RIMS1: variants seen among roughly 807,000 people sequenced by gnomAD.
RIMS1 encodes regulating synaptic membrane exocytosis protein 1.
RIMS1 carries 83 observed loss-of-function variants against 214.1 expected under a neutral mutation model. The ratio of observed to expected loss-of-function variants is 0.39; its 90% CI spans 0.32 to 0.47. The LOEUF is 0.47. RIMS1 is among the 20% of genes least tolerant of loss of function. RIMS1 has a pLI of 0.99. For missense variants in RIMS1, 2,050 were observed against 2,161.8 expected (o/e 0.95, Z 1.03); for synonymous variants, 793 against 786.8 (o/e 1.01, Z -0.13).
At chr6:72,035,931 T>A (rs577822684) in intron 2 of RIMS1, among the ~76,000 whole-genome samples, 3 of 152,114 alleles carry the variant, frequency 2.0e-5, no homozygotes, top group Non-Finnish European at 2.9e-5. Context: ...TTTAAAAAAA[T>A]AATAATAGTA....
In RIMS1 at chr6:72,009,745, C is replaced by T. The variant is rs557124391; in HGVS notation, c.245+40682C>T. On this transcript the variant is annotated intron_variant, in intron 2 of 33. Transcript: ENST00000521978. ...ATCTAGAAGAAATGGATAAATTCCTCGACACATACACCCTCCCAAGACTAA... is the reference window on the plus strand; with the variant it reads ...ATCTAGAAGAAATGGATAAATTCCTTGACACATACACCCTCCCAAGACTAA... Among the ~76,000 whole-genome samples, 814 of 152,142 alleles carry T rather than the reference C, an allele frequency of 5.4e-3. 5 individuals are homozygous for T. Among genetic ancestry groups the T allele is most frequent in the African/African-American group, 0.019 (773 of 41,528 alleles).
chr6:71,915,877 C>G (rs139863382), intron 1 of RIMS1, among the ~76,000 whole-genome samples: 5 of 152,164 alleles, frequency 3.3e-5, no homozygotes, highest in African/African-American at 1.2e-4. Flanking sequence ...GGGGCAAAGT[C>G]ATGTCTTATA....
At chr6:72,068,827 C>T (rs1448866533) in intron 2 of RIMS1, among the ~76,000 whole-genome samples, 1 of 151,638 alleles carries the variant, frequency 6.6e-6, no homozygotes. Flanking sequence ...AGGAGAATGA[C>T]GTGAACTCGG....
chr6:72,129,200 G>T (rs2040064616), intron 4 of RIMS1, among the ~76,000 whole-genome samples: 2 of 152,124 alleles, frequency 1.3e-5, no homozygotes, highest in South Asian at 4.1e-4. Flanking sequence ...TATGGTTAAA[G>T]AACCATTTAT....
chr6:72,300,766 T>G (rs2094528280), intron 26 of RIMS1, among the ~76,000 whole-genome samples: 1 of 151,786 alleles, frequency 6.6e-6, no homozygotes, highest in African/African-American at 2.4e-5. Context: ...TGACTAGTAT[T>G]TTCAGTGACA....
At chr6:72,205,753 T>A (rs2052792493) in intron 6 of RIMS1, among the ~76,000 whole-genome samples, 2 of 152,160 alleles carry the variant, frequency 1.3e-5, no homozygotes, top group African/African-American at 4.8e-5. Flanking sequence ...ATGATAGATA[T>A]GGACAAGTAT....
intron 28 of RIMS1, among the ~76,000 whole-genome samples, chr6:72,325,981 T>C (rs1393891809): frequency 6.6e-6 from 1 of 151,864 alleles, no homozygotes; most frequent in African/African-American, 2.4e-5. Flanking sequence ...TGATCAACAA[T>C]ATTGATCTAC....
At chr6:71,902,304 A>G (rs1773892908) in intron 1 of RIMS1, among the ~76,000 whole-genome samples, 1 of 152,052 alleles carries the variant, frequency 6.6e-6, no homozygotes, top group African/African-American at 2.4e-5. Context: ...TTGGGGAGCA[A>G]GAGTGTGGGT....
chr6:72,244,361 A>G (rs1224562943), intron 10 of RIMS1, among the ~76,000 whole-genome samples: 1 of 151,868 alleles, frequency 6.6e-6, no homozygotes, highest in East Asian at 1.9e-4. Context: ...AGCAATTAAC[A>G]TAAATAAATT....
At position 72,182,399 on chromosome 6, in the gene RIMS1, C is replaced by T. The variant is rs758719701; in HGVS notation, c.928C>T (p.Arg310Cys). 126 of 1,613,770 alleles carry T rather than the reference C, an allele frequency of 7.8e-5. No individual in the cohort carries two copies. The highest frequency in any genetic ancestry group is 4.3e-4 in the Admixed American group (26 of 60,002). Residue 310 changes from arginine to cysteine, a missense_variant, in exon 6 of 34, where the codon CGC (arginine) becomes TGC (cysteine). Physicochemically the swap from Arg to Cys is radical, Grantham distance 180. This residue lies in a region of RIMS1 where 882 missense variants were observed against 828.9 expected (regional missense o/e 1.06). Coordinates refer to ENST00000521978, the MANE Select transcript of RIMS1 (RefSeq NM_014989.7). ...GGAGGGGGCCGTCGAAGAACGGGAG[C>T]GCAAAGAAAGGCGGGAAAGCCGAAG... ...PVEGAVEERERKERRESRRLE... is the reference protein window; with the variant it reads ...PVEGAVEERECKERRESRRLE...
At chr6:71,907,575 A>AT (rs558154704) in intron 1 of RIMS1, among the ~76,000 whole-genome samples, 224 of 152,222 alleles carry the variant, frequency 1.5e-3, no homozygotes, top group African/African-American at 5.2e-3. Context: ...AAAGTTAAAA[A>AT]TTTTTCTAAT....
intron 23 of RIMS1, among the ~76,000 whole-genome samples, chr6:72,278,913 G>C (rs2088358465): frequency 6.6e-6 from 1 of 152,040 alleles, no homozygotes. Context: ...TATAAGCCAT[G>C]TAAGTAGTAA....
At chr6:72,325,330 T>A (rs2096402772) in intron 28 of RIMS1, among the ~76,000 whole-genome samples, 1 of 151,698 alleles carries the variant, frequency 6.6e-6, no homozygotes, top group Admixed American at 6.6e-5. Flanking sequence ...TATTTACAGT[T>A]TATGTGATTA....
At chr6:72,028,409 C>T (rs1219803660) in intron 2 of RIMS1, among the ~76,000 whole-genome samples, 1 of 151,958 alleles carries the variant, frequency 6.6e-6, no homozygotes, top group African/African-American at 2.4e-5. Context: ...ATATCTGTAA[C>T]AACCTAAGAA....
rs892279451 is a variant in RIMS1, at chr6:72,401,299, A to C, written c.*585A>C. The C allele has an allele frequency of 6.5e-6, 1 of 152,906 alleles. No individual in the cohort carries two copies. Among genetic ancestry groups the C allele is most frequent in the African/African-American group, 2.4e-5 (1 of 41,440 alleles). 9.5% of individuals were successfully genotyped at this position (152,906 alleles called of 1,614,324 possible). A position where few individuals can be genotyped will look rare whatever the true frequency, so the allele number is the denominator to read the frequency against. On this transcript the variant is annotated 3_prime_UTR_variant, in exon 34 of 34. Transcript: ENST00000521978. ...CCCTTCTTTTTTCCAAAAGCACCAA[A>C]AAAAAGGGCTGAAGTAGTCTCTGTA...
intron 1 of RIMS1, among the ~76,000 whole-genome samples, chr6:71,932,855 A>T (rs150769725): frequency 6.6e-6 from 1 of 152,248 alleles, no homozygotes; most frequent in African/African-American, 2.4e-5. Context: ...GTTTGGAAAA[A>T]AATTATAAAA....
chr6:72,227,962 T>C (rs2060729688), intron 6 of RIMS1, among the ~76,000 whole-genome samples: 1 of 151,856 alleles, frequency 6.6e-6, no homozygotes, highest in African/African-American at 2.4e-5. Flanking sequence ...AAAAGGGAAA[T>C]ATTTTTCTTT....
intron 26 of RIMS1, among the ~76,000 whole-genome samples, chr6:72,300,458 A>T (rs1466026214): frequency 2.6e-5 from 4 of 151,796 alleles, no homozygotes; most frequent in South Asian, 2.1e-4. Context: ...GTCTTTCAGG[A>T]TAGATTCTGT....
intron 2 of RIMS1, among the ~76,000 whole-genome samples, chr6:72,075,820 A>G (rs1332139087): frequency 6.6e-6 from 1 of 152,212 alleles, no homozygotes; most frequent in East Asian, 1.9e-4. Context: ...TTACAGAGCT[A>G]TCTGTCTTAT....
Sources: gnomAD v4.1 joint callset for allele counts (sites outside exome capture counted in the v4.1 genomes callset) on GRCh38, gnomAD v4.1.1 for gene constraint, gnomAD v4.1.1 regional missense constraint, MANE v1.5 for transcripts, NCBI Gene and HGNC (gene_info 2026-07-23, HGNC 2026-07-21) for gene names.